The following WDFY3 variants were observed in gnomAD, a reference collection of about 807,000 sequenced individuals.
WDFY3 encodes the protein WD repeat and FYVE domain-containing protein 3.
Under a neutral mutation model 409.6 loss-of-function variants are expected in WDFY3, and 66 were observed. The observed-to-expected ratio is 0.16, with a 90% CI of 0.13 to 0.20. The LOEUF (loss-of-function observed/expected upper bound fraction) is 0.20, where lower values mean the gene tolerates loss of function less well. Among genes scored for constraint, WDFY3 ranks in the 10% least tolerant of loss-of-function variants. The probability of loss-of-function intolerance (pLI) is 1.00; values close to 1 mark genes in which losing one functional copy is unlikely to be tolerated. For missense variants in WDFY3, 3,031 were observed against 4,298.1 expected, an observed-to-expected ratio of 0.71 and a Z score of 8.24; for synonymous variants, 1,521 against 1,537.1, an observed-to-expected ratio of 0.99 and a Z score of 0.25.
intron 49 of WDFY3, 142 bp downstream of exon 49, chr4:84,716,754 A>C (rs1734012972): frequency 3.4e-6 from 2 of 585,530 alleles, no homozygotes; most frequent in Admixed American, 5.4e-5. Flanking sequence ...AGCTGAGATC[A>C]TGCCACTGCA....
chr4:84,941,752 T>C (rs1772164653), intron 1 of WDFY3, among the ~76,000 whole-genome samples: 1 of 152,050 alleles, frequency 6.6e-6, no homozygotes, highest in Non-Finnish European at 1.5e-5. Flanking sequence ...ATTGGAGGAC[T>C]CATATTACCT....
intron 30 of WDFY3, among the ~76,000 whole-genome samples, chr4:84,769,561 A>C (rs1244060861): frequency 6.6e-6 from 1 of 151,656 alleles, no homozygotes; most frequent in African/African-American, 2.4e-5. Flanking sequence ...ACTACAGGTG[A>C]CTGCCACCAT....
chr4:84,691,773 G>C lies in WDFY3; in HGVS notation c.9062C>G (p.Pro3021Arg). 6.2e-7 allele frequency: 1 copy of C among 1,608,620 alleles called. No individual in the cohort carries two copies. Among genetic ancestry groups the C allele is most frequent in the Non-Finnish European group, 8.5e-7 (1 of 1,176,344 alleles). Reference sequence around the variant, plus strand: ...ATCTGTACATACGATTTGTCCTACAGGTTCTTTGAGTTCTAGAAAAAAGAA... The same window carrying C: ...ATCTGTACATACGATTTGTCCTACACGTTCTTTGAGTTCTAGAAAAAAGAA... ...SLTPVKELKE[P>R]VGQIVCTDKG... Residue 3021 changes from proline to arginine, a missense_variant, in exon 60 of 68, where the codon CCT becomes CGT. Physicochemically the swap from Pro to Arg is moderately radical, Grantham distance 103. Around this residue, in one of 16 missense-constraint regions of WDFY3, gnomAD observed 152 missense variants for 193.5 expected, o/e 0.79. Transcript: ENST00000295888.
intron 16 of WDFY3, 59 bp downstream of exon 16, chr4:84,803,231 C>T: frequency 6.6e-7 from 1 of 1,508,134 alleles, no homozygotes; most frequent in Non-Finnish European, 8.9e-7. Context: ...TATAATCATA[C>T]TCACATCCTT....
intron 2 of WDFY3, among the ~76,000 whole-genome samples, chr4:84,902,917 C>G (rs1056362195): frequency 6.6e-6 from 1 of 152,126 alleles, no homozygotes; most frequent in Non-Finnish European, 1.5e-5. Flanking sequence ...AGAAGCCTAA[C>G]AAATAGCTTC....
At chr4:84,843,807 A>C (rs1215817186) in intron 5 of WDFY3, among the ~76,000 whole-genome samples, 2 of 152,120 alleles carry the variant, frequency 1.3e-5, no homozygotes, top group African/African-American at 4.8e-5. Flanking sequence ...ATTTTAAATA[A>C]AACCTCCATA....
chr4:84,828,621 G>A (rs1431290947), intron 9 of WDFY3, among the ~76,000 whole-genome samples: 4 of 152,208 alleles, frequency 2.6e-5, no homozygotes, highest in African/African-American at 9.7e-5. Context: ...GAAGGGAATA[G>A]GCCAGGTGTG....
At position 84,772,898 on chromosome 4, in the gene WDFY3, T is replaced by C. The variant is rs754584220; in HGVS notation, c.4786A>G (p.Thr1596Ala). 1.9e-5 allele frequency: 31 copies of C among 1,608,166 alleles called. No homozygotes were observed. Among genetic ancestry groups the C allele is most frequent in the Middle Eastern group, 1.7e-4 (1 of 6,040 alleles). The part of the protein sequence containing the change: ...FGQFISSTLP[T>A]FAVCEKFVVM... ...ACAAATTTCTCACAAACCGCAAAGGTTGGCAAAGTAGAAGAAATAAACTGC... is the reference window on the plus strand; with the variant it reads ...ACAAATTTCTCACAAACCGCAAAGGCTGGCAAAGTAGAAGAAATAAACTGC... Residue 1596 changes from threonine (T) to alanine (A), a missense_variant, in exon 30 of 68, where the codon ACC becomes GCC. By Grantham distance (58) the Thr-to-Ala change is moderately conservative. This residue lies in a region of WDFY3 where 342 missense variants were observed against 463.7 expected (regional missense o/e 0.74). Transcript: ENST00000295888.
intron 5 of WDFY3, chr4:84,844,404 C>T: frequency 7.8e-7 from 1 of 1,275,588 alleles, no homozygotes; most frequent in Non-Finnish European, 1.0e-6. Context: ...TCACAGCTTC[C>T]ATGCTTCTTT....
intron 10 of WDFY3, among the ~76,000 whole-genome samples, chr4:84,826,344 G>A (rs1425293179): frequency 6.6e-6 from 1 of 152,138 alleles, no homozygotes; most frequent in East Asian, 1.9e-4. Flanking sequence ...TAGGTTATAT[G>A]CAAATACTAT....
intron 1 of WDFY3, among the ~76,000 whole-genome samples, chr4:84,960,678 A>C (rs894725697): frequency 6.6e-6 from 1 of 152,072 alleles, no homozygotes; most frequent in African/African-American, 2.4e-5. Flanking sequence ...GGGTCTCACT[A>C]TGTTGCCCAG....
intron 2 of WDFY3, among the ~76,000 whole-genome samples, chr4:84,919,457 C>T (rs989567458): frequency 2.6e-5 from 4 of 152,046 alleles, no homozygotes; most frequent in South Asian, 2.1e-4. Context: ...TCCCAGTAGA[C>T]CCTTTATTAG....
At chr4:84,939,469 T>A (rs1002366187) in intron 1 of WDFY3, among the ~76,000 whole-genome samples, 7 of 152,188 alleles carry the variant, frequency 4.6e-5, no homozygotes, top group Non-Finnish European at 7.3e-5. Context: ...CCTCATTTAG[T>A]TATGACTCTT....
intron 48 of WDFY3, among the ~76,000 whole-genome samples, chr4:84,717,530 A>C (rs1376027686): frequency 6.6e-6 from 1 of 152,174 alleles, no homozygotes; most frequent in African/African-American, 2.4e-5. Flanking sequence ...GTCTGTGTTC[A>C]AGGGTGCTAG....
chr4:84,687,560 T>C (rs1210980083), intron 62 of WDFY3, among the ~76,000 whole-genome samples: 1 of 152,230 alleles, frequency 6.6e-6, no homozygotes, highest in Non-Finnish European at 1.5e-5. Context: ...GAGCAGTGAA[T>C]GGATTTTAAG....
intron 7 of WDFY3, 103 bp downstream of exon 7, chr4:84,836,826 A>C (rs1756636041): frequency 9.6e-7 from 1 of 1,042,380 alleles, no homozygotes; most frequent in Non-Finnish European, 1.3e-6. Context: ...CATAAATAAA[A>C]TGAAATATGA....
chr4:84,758,849 C>A (rs1741940440), intron 32 of WDFY3, among the ~76,000 whole-genome samples: 1 of 152,044 alleles, frequency 6.6e-6, no homozygotes, highest in African/African-American at 2.4e-5. Context: ...TTCAAAGTCA[C>A]AATGTGTTTT....
chr4:84,768,685 G>A (rs1436912979), intron 30 of WDFY3, among the ~76,000 whole-genome samples: 1 of 152,158 alleles, frequency 6.6e-6, no homozygotes, highest in East Asian at 1.9e-4. Context: ...GAGCTCTGAT[G>A]GAGATGCACA....
At chr4:84,802,006 G>A (rs1750663859) in intron 16 of WDFY3, 142 bp from the exon 17 acceptor site, 2 of 771,202 alleles carry the variant, frequency 2.6e-6, no homozygotes, top group South Asian at 3.8e-5. Flanking sequence ...GGAGTGCAAT[G>A]GTGTGATCTC....
Sources: allele counts gnomAD v4.1 joint callset (sites outside exome capture counted in the v4.1 genomes callset), GRCh38; gene constraint gnomAD v4.1.1; regional missense constraint gnomAD v4.1.1; transcripts MANE v1.5; gene names NCBI Gene and HGNC (gene_info 2026-07-23, HGNC 2026-07-21).